Variants in CAMSAP2 observed in about 807,000 individuals in gnomAD.
CAMSAP2 encodes calmodulin-regulated spectrin-associated protein 2.
A neutral mutation model predicts 146.1 loss-of-function variants in CAMSAP2; 26 were observed. That is an observed-to-expected ratio of 0.18 (90% CI 0.13 to 0.25). CAMSAP2 has a LOEUF of 0.25. Ranked by LOEUF, CAMSAP2 falls within the 10% of genes least tolerant of loss-of-function variation. CAMSAP2 has a pLI of 1.00. For missense variants in CAMSAP2, 1,381 were observed against 1,759.3 expected (o/e 0.78, Z 3.85); for synonymous variants, 499 against 596.6 (o/e 0.84, Z 2.38).
chr1:200,848,691 A>T lies in CAMSAP2; in HGVS notation c.1922A>T (p.Asp641Val), dbSNP rs745834681. Residue 641 changes from aspartate to valine, a missense_variant, in exon 11 of 17, where the codon GAT (aspartate) becomes GTT (valine). This residue lies in a region of CAMSAP2 where 447 missense variants were observed against 462.2 expected (regional missense o/e 0.97). Coordinates refer to ENST00000358823, the MANE Select transcript of CAMSAP2 (RefSeq NM_203459.4). The part of the protein sequence containing the change: ...DYTVSLDSDM[D>V]DASKFLQDYD... ...ACTGTAAGCTTGGACTCTGACATGGATGATGCATCTAAATTTCTTCAGGAT... is the reference window on the plus strand; with the variant it reads ...ACTGTAAGCTTGGACTCTGACATGGTTGATGCATCTAAATTTCTTCAGGAT... 3.1e-6 allele frequency: 5 copies of T among 1,614,072 alleles called. No homozygotes were observed. The highest frequency in any genetic ancestry group is 2.2e-5 in the East Asian group (1 of 44,880).
intron 2 of CAMSAP2, among the ~76,000 whole-genome samples, chr1:200,761,463 C>T (rs376853609): frequency 9.2e-5 from 14 of 152,146 alleles, no homozygotes; most frequent in Non-Finnish European, 1.5e-4. Context: ...TGGCCGGGCG[C>T]GGTGGCTCAC....
intron 1 of CAMSAP2, among the ~76,000 whole-genome samples, chr1:200,755,265 A>G (rs938260619): frequency 3.3e-5 from 5 of 152,372 alleles, no homozygotes; most frequent in Middle Eastern, 3.4e-3. Flanking sequence ...ACATATATAC[A>G]TAGTGTATAG....
At chr1:200,786,156 G>A (rs1183185388) in intron 2 of CAMSAP2, among the ~76,000 whole-genome samples, 1 of 151,982 alleles carries the variant, frequency 6.6e-6, no homozygotes, top group African/African-American at 2.4e-5. Context: ...ATATATGGAG[G>A]TTTATCAATT....
Position 200,839,088 on chromosome 1 carries a change from T to G in CAMSAP2, c.928-2906T>G, listed in dbSNP as rs1667252791. 1.3e-5 allele frequency among the ~76,000 whole-genome samples: 2 copies of G among 152,190 alleles called. 1 individual carries two copies. Among genetic ancestry groups the G allele is most frequent in the Non-Finnish European group, 2.9e-5 (2 of 68,028 alleles). ...CTCGGTAGGCCACTGCATATATAAGTGCAGTCAGTACATTTGAGAATCATT... is the reference window on the plus strand; with the variant it reads ...CTCGGTAGGCCACTGCATATATAAGGGCAGTCAGTACATTTGAGAATCATT... On this transcript the variant is annotated intron_variant, in intron 6 of 16. Coordinates refer to ENST00000358823, the MANE Select transcript of CAMSAP2 (RefSeq NM_203459.4).
chr1:200,812,639 T>C (rs1666362619), intron 3 of CAMSAP2, among the ~76,000 whole-genome samples: 1 of 152,078 alleles, frequency 6.6e-6, no homozygotes, highest in Non-Finnish European at 1.5e-5. Flanking sequence ...CATCCACAAG[T>C]ATAAAAAAAC....
intron 3 of CAMSAP2, among the ~76,000 whole-genome samples, chr1:200,813,016 A>G (rs1213006115): frequency 6.6e-6 from 1 of 152,212 alleles, no homozygotes; most frequent in Non-Finnish European, 1.5e-5. Context: ...CTTCTTAAAG[A>G]AATTGTCTTA....
At chr1:200,805,239 A>T (rs548118458) in intron 2 of CAMSAP2, among the ~76,000 whole-genome samples, 1 of 152,202 alleles carries the variant, frequency 6.6e-6, no homozygotes, top group African/African-American at 2.4e-5. Context: ...AATACTGCTC[A>T]GTTTTCTAGA....
At chr1:200,764,528 G>C (rs1012171682) in intron 2 of CAMSAP2, among the ~76,000 whole-genome samples, 2 of 152,048 alleles carry the variant, frequency 1.3e-5, no homozygotes, top group Non-Finnish European at 2.9e-5. Context: ...ATTTTTATAT[G>C]ATTTTACTGT....
chr1:200,808,267 T>G (rs1666235686), intron 3 of CAMSAP2, among the ~76,000 whole-genome samples: 1 of 152,176 alleles, frequency 6.6e-6, no homozygotes, highest in South Asian at 2.1e-4. Context: ...TCTTGGAAAT[T>G]TTTATGGAGC....
chr1:200,755,248 AAC>A (rs1326627331), intron 1 of CAMSAP2, among the ~76,000 whole-genome samples: 10 of 152,222 alleles, frequency 6.6e-5, no homozygotes, highest in Non-Finnish European at 1.0e-4. Flanking sequence ...ACAGATAGTA[AAC>A]ACACACATAT....
chr1:200,841,618 G>A lies in CAMSAP2; in HGVS notation c.928-376G>A, dbSNP rs1039357199. 3.3e-5 allele frequency among the ~76,000 whole-genome samples: 5 copies of A among 152,174 alleles called. No individual in the cohort carries two copies. The South Asian group carries it at 1.0e-3, about 32-fold the overall frequency. On this transcript the variant is annotated intron_variant, in intron 6 of 16. Coordinates refer to ENST00000358823, the MANE Select transcript of CAMSAP2 (RefSeq NM_203459.4). Reference sequence around the variant, plus strand: ...TTTCTAGGGATCTGAGTAGAGCTTAGTTATGTTTTGAAAGTGATAACCCCT... The same window carrying A: ...TTTCTAGGGATCTGAGTAGAGCTTAATTATGTTTTGAAAGTGATAACCCCT...
At chr1:200,746,337 T>TGAATGTA (rs936511333) in intron 1 of CAMSAP2, among the ~76,000 whole-genome samples, 2 of 152,088 alleles carry the variant, frequency 1.3e-5, no homozygotes, top group African/African-American at 4.8e-5. Context: ...ATGTAAAGGA[T>TGAATGTA]AAGGCTTGGT....
rs1259307332 is a variant in CAMSAP2 at position 200,757,601 on chromosome 1, T to C, written c.140-3238T>C. ...TTCTAATATGCTGTTTCAGTTCATT[T>C]TTTTTTAATGTGGTACAATTCCAAA... is the stretch of plus-strand genomic sequence containing the variant. On this transcript the variant is annotated intron_variant, in intron 1 of 16. Coordinates refer to ENST00000358823, the MANE Select transcript of CAMSAP2 (RefSeq NM_203459.4). Among the ~76,000 whole-genome samples, 3 of 152,228 alleles carry C rather than the reference T, an allele frequency of 2.0e-5. No homozygotes were observed. In the East Asian group the frequency reaches 5.8e-4, roughly 29 times the overall value.
At position 200,856,099 on chromosome 1, in the gene CAMSAP2, C is replaced by T. The variant is rs1380649209; in HGVS notation, c.3986C>T (p.Ser1329Leu). The change falls in exon 15 of 17, where the codon TCA (serine) becomes TTA (leucine). Residue 1329 changes from serine to leucine, a missense_variant. By Grantham distance (145) the Ser-to-Leu change is moderately radical (BLOSUM62 -2). Around this residue, in one of 4 missense-constraint regions of CAMSAP2, gnomAD observed 90 missense variants for 174.4 expected, o/e 0.52. Coordinates refer to ENST00000358823, the MANE Select transcript of CAMSAP2 (RefSeq NM_203459.4). ...TGGGAGAATGCATCAACAACTTCTTCAGTGGCTTCTGGAACAGAATATACA... is the reference window on the plus strand; with the variant it reads ...TGGGAGAATGCATCAACAACTTCTTTAGTGGCTTCTGGAACAGAATATACA... ...KDWENASTTS[S>L]VASGTEYTGP... is the part of the protein sequence containing the mutation. 6.2e-7 allele frequency: 1 copy of T among 1,612,828 alleles called. No homozygotes were observed.
intron 2 of CAMSAP2, among the ~76,000 whole-genome samples, chr1:200,797,034 C>A (rs975173029): frequency 6.6e-6 from 1 of 152,136 alleles, no homozygotes; most frequent in African/African-American, 2.4e-5. Flanking sequence ...TATTCCATGG[C>A]GTGTATGTGC....
chr1:200,840,377 T>C (rs1667293899), intron 6 of CAMSAP2, among the ~76,000 whole-genome samples: 1 of 152,048 alleles, frequency 6.6e-6, no homozygotes, highest in Admixed American at 6.6e-5. Context: ...TCAAGCTGTA[T>C]TCCTGCCCTA....
At chr1:200,782,161 A>G (rs1432491518) in intron 2 of CAMSAP2, among the ~76,000 whole-genome samples, 2 of 152,304 alleles carry the variant, frequency 1.3e-5, no homozygotes. Flanking sequence ...GAGCATTGGG[A>G]AATTTTTAGA....
chr1:200,745,591 A>G (rs1424565852), intron 1 of CAMSAP2, among the ~76,000 whole-genome samples: 1 of 152,216 alleles, frequency 6.6e-6, no homozygotes, highest in Non-Finnish European at 1.5e-5. Flanking sequence ...ATTAGAGTCT[A>G]AGCCTTTGTG....
chr1:200,853,469 C>T lies in CAMSAP2; in HGVS notation c.3797C>T (p.Pro1266Leu), dbSNP rs755278888. The part of the protein sequence containing the change: ...KSIHRDHIES[P>L]KTPIKGPPVS... ...ATTCACAGAGATCATATTGAATCCCCCAAAACACCAATAAAGGGTCCTCCA... is the reference window on the plus strand; with the variant it reads ...ATTCACAGAGATCATATTGAATCCCTCAAAACACCAATAAAGGGTCCTCCA... The change falls in exon 13 of 17, where the codon CCC becomes CTC. Residue 1266 changes from proline to leucine, a missense_variant. Pro to Leu is a moderately conservative substitution (Grantham distance 98). Around this residue, in one of 4 missense-constraint regions of CAMSAP2, gnomAD observed 560 missense variants for 715.9 expected, o/e 0.78. Transcript: ENST00000358823. This position sits in a 1 kb window ranked among gnomAD's most constrained non-coding sequence, Gnocchi z 5.1. 3 of 1,613,250 alleles carry T rather than the reference C, an allele frequency of 1.9e-6. No homozygotes were observed. The highest frequency in any genetic ancestry group is 8.5e-7 in the Non-Finnish European group (1 of 1,179,620).
Sources: allele counts gnomAD v4.1 joint callset (sites outside exome capture counted in the v4.1 genomes callset), GRCh38; gene constraint gnomAD v4.1.1; regional missense constraint gnomAD v4.1.1; non-coding constraint Gnocchi (gnomAD v3.1); transcripts MANE v1.5; gene names NCBI Gene and HGNC (gene_info 2026-07-23, HGNC 2026-07-21).